KIAA1549L: variants seen among roughly 807,000 people sequenced by gnomAD.
KIAA1549L encodes KIAA1549 like.
In KIAA1549L, 88 loss-of-function variants were observed where a neutral mutation model predicts 160.7. That is an observed-to-expected ratio of 0.55 (90% CI 0.46 to 0.65). The LOEUF is 0.65. Among genes scored for constraint, KIAA1549L ranks in the 30% least tolerant of loss-of-function variants. KIAA1549L has a pLI of 0.00. For synonymous variants in KIAA1549L, 950 were observed against 976.7 expected (o/e 0.97, Z 0.51); for missense variants, 2,258 against 2,437.5 (o/e 0.93, Z 1.55).
At chr11:33,510,495 G>A (rs1025781091) in intron 1 of KIAA1549L, among the ~76,000 whole-genome samples, 1 of 151,790 alleles carries the variant, frequency 6.6e-6, no homozygotes, top group Non-Finnish European at 1.5e-5. Flanking sequence ...CCAGGACAAG[G>A]TTTGTTTCTA....
intron 1 of KIAA1549L, among the ~76,000 whole-genome samples, chr11:33,433,930 G>A (rs1046501039): frequency 6.6e-6 from 1 of 152,090 alleles, no homozygotes; most frequent in Non-Finnish European, 1.5e-5. Flanking sequence ...ACATACCATG[G>A]CCTGTTATGG....
chr11:33,535,823 C>G (rs1263650586), intron 1 of KIAA1549L, among the ~76,000 whole-genome samples: 2 of 152,050 alleles, frequency 1.3e-5, no homozygotes, highest in Non-Finnish European at 2.9e-5. Flanking sequence ...TACTTCAGTG[C>G]CTTCCTAAAG....
chr11:33,495,144 A>ATTTATTATTAT (rs1852784754), intron 1 of KIAA1549L, among the ~76,000 whole-genome samples: 1 of 151,872 alleles, frequency 6.6e-6, no homozygotes, highest in African/African-American at 2.4e-5. Context: ...TTATTATTAT[A>ATTTATTATTAT]CTTTAAGTTT....
Position 33,423,695 on chromosome 11 carries a change from T to C in KIAA1549L, c.238+46806T>C, listed in dbSNP as rs976186599. 5.9e-5 allele frequency among the ~76,000 whole-genome samples: 9 copies of C among 152,238 alleles called. No homozygotes were observed. The South Asian group carries it at 1.9e-3, about 31-fold the overall frequency. On this transcript the variant is annotated intron_variant, in intron 1 of 20. Coordinates refer to ENST00000658780, the MANE Select transcript of KIAA1549L (RefSeq NM_012194.3). ...AGCAGAGCTTTCAGTGGAAGTTTTA[T>C]ACAAGTGAGATCCAGATTCTAAAGT...
chr11:33,501,670 C>G (rs1222960803), intron 1 of KIAA1549L, among the ~76,000 whole-genome samples: 5 of 151,918 alleles, frequency 3.3e-5, no homozygotes, highest in African/African-American at 1.2e-4. Context: ...ATCTTTTTTT[C>G]TGAGAATTGT....
chr11:33,380,134 G>C (rs904142096), intron 1 of KIAA1549L, among the ~76,000 whole-genome samples: 1 of 152,204 alleles, frequency 6.6e-6, no homozygotes, highest in African/African-American at 2.4e-5. Context: ...TCAGCACCCT[G>C]TCTGCATGCT....
At chr11:33,442,743 A>G (rs187820844) in intron 1 of KIAA1549L, among the ~76,000 whole-genome samples, 7 of 152,276 alleles carry the variant, frequency 4.6e-5, no homozygotes, top group African/African-American at 1.4e-4. Context: ...ATTTGTTTGA[A>G]TATTGCCTCT....
At chr11:33,596,130 G>A (rs1850192569) in intron 12 of KIAA1549L, among the ~76,000 whole-genome samples, 1 of 152,162 alleles carries the variant, frequency 6.6e-6, no homozygotes, top group Admixed American at 6.5e-5. Context: ...TCCTCAGAAT[G>A]GGGACTTTTG....
chr11:33,458,548 G>A (rs1851876577), intron 1 of KIAA1549L, among the ~76,000 whole-genome samples: 1 of 152,212 alleles, frequency 6.6e-6, no homozygotes, highest in South Asian at 2.1e-4. Context: ...AGAAGAGTAG[G>A]GAGATGAAGT....
intron 1 of KIAA1549L, among the ~76,000 whole-genome samples, chr11:33,504,411 C>CAAATAG (rs1281775606): frequency 6.6e-6 from 1 of 152,072 alleles, no homozygotes; most frequent in African/African-American, 2.4e-5. Context: ...GCAAACCAAT[C>CAAATAG]AAATAGGTAT....
In KIAA1549L at chr11:33,514,674, G is replaced by A. The variant is rs573551754; in HGVS notation, c.239-27128G>A. Among the ~76,000 whole-genome samples, 7 of 152,272 alleles carry A rather than the reference G, an allele frequency of 4.6e-5. No homozygotes were observed. In the East Asian group the frequency reaches 1.3e-3, roughly 29 times the overall value. Reference sequence around the variant, plus strand: ...AACCAGCCAATTTTGCAGCCTCAAAGTCATGCTCAGGAGACAGACACTGAT... The same window carrying A: ...AACCAGCCAATTTTGCAGCCTCAAAATCATGCTCAGGAGACAGACACTGAT... On this transcript the variant is annotated intron_variant, in intron 1 of 20. Coordinates refer to ENST00000658780, the MANE Select transcript of KIAA1549L (RefSeq NM_012194.3).
intron 1 of KIAA1549L, among the ~76,000 whole-genome samples, chr11:33,439,549 C>T (rs1263655989): frequency 6.6e-6 from 1 of 151,168 alleles, no homozygotes; most frequent in Non-Finnish European, 1.5e-5. Flanking sequence ...ACTACAGGCG[C>T]CCACCAGCAT....
At chr11:33,444,062 A>C (rs1851561871) in intron 1 of KIAA1549L, among the ~76,000 whole-genome samples, 1 of 152,244 alleles carries the variant, frequency 6.6e-6, no homozygotes. Flanking sequence ...CAAGATCTGC[A>C]CTACCTGGGT....
intron 15 of KIAA1549L, among the ~76,000 whole-genome samples, chr11:33,612,781 C>T (rs1850680524): frequency 1.3e-5 from 2 of 152,130 alleles, no homozygotes; most frequent in Admixed American, 1.3e-4. Flanking sequence ...AAGTATACCC[C>T]AGTGTCGGTT....
At chr11:33,410,534 C>T (rs898949440) in intron 1 of KIAA1549L, among the ~76,000 whole-genome samples, 2 of 152,196 alleles carry the variant, frequency 1.3e-5, no homozygotes, top group African/African-American at 4.8e-5. Flanking sequence ...GGTTCTGAAC[C>T]ACCTGCCTCA....
intron 16 of KIAA1549L, among the ~76,000 whole-genome samples, chr11:33,626,081 A>T (rs1346351129): frequency 6.6e-6 from 1 of 150,460 alleles, no homozygotes; most frequent in African/African-American, 2.5e-5. Context: ...GATATGCGGC[A>T]TGATTTCTGA....
intron 12 of KIAA1549L, 125 bp from the exon 13 acceptor site, chr11:33,598,695 T>C: frequency 8.4e-7 from 1 of 1,186,076 alleles, no homozygotes; most frequent in East Asian, 2.5e-5. Flanking sequence ...CTGTATCGTT[T>C]CCTCTTTGTC....
chr11:33,442,279 T>C (rs1424720063), intron 1 of KIAA1549L, among the ~76,000 whole-genome samples: 2 of 152,208 alleles, frequency 1.3e-5, no homozygotes, highest in Admixed American at 6.5e-5. Flanking sequence ...CATTGATCTA[T>C]ATCTCTGTTT....
intron 16 of KIAA1549L, among the ~76,000 whole-genome samples, chr11:33,641,633 T>TATATAC (rs1851589355): frequency 1.0e-5 from 1 of 99,356 alleles, no homozygotes; most frequent in African/African-American, 3.3e-5. Flanking sequence ...TATATATATA[T>TATATAC]ACACAGTGGG....
Sources: allele counts gnomAD v4.1 joint callset (sites outside exome capture counted in the v4.1 genomes callset), GRCh38; gene constraint gnomAD v4.1.1; transcripts MANE v1.5; gene names NCBI Gene and HGNC (gene_info 2026-07-23, HGNC 2026-07-21).